Variants in SWAP70 observed in about 807,000 individuals in gnomAD.
SWAP70 encodes the protein switch-associated protein 70.
A neutral mutation model predicts 80.2 loss-of-function variants in SWAP70; 34 were observed. The observed-to-expected ratio is 0.42, with a 90% CI of 0.32 to 0.56. The LOEUF is 0.56. Among genes scored for constraint, SWAP70 ranks in the 20% least tolerant of loss-of-function variants. The pLI, the probability that SWAP70 is intolerant of heterozygous loss-of-function variation, is 0.09. For missense variants in SWAP70, 578 were observed against 690.7 expected (o/e 0.84, Z 1.83); for synonymous variants, 239 against 238.5 (o/e 1.00, Z -0.02).
At chr11:9,713,009 G>A (rs746381539) in intron 2 of SWAP70, among the ~76,000 whole-genome samples, 4 of 152,142 alleles carry the variant, frequency 2.6e-5, no homozygotes, top group Non-Finnish European at 5.9e-5. Flanking sequence ...TTCTTTGACC[G>A]TGTATGTAAA....
intron 9 of SWAP70, among the ~76,000 whole-genome samples, chr11:9,743,844 A>G (rs911975300): frequency 3.3e-5 from 5 of 152,176 alleles, no homozygotes; most frequent in South Asian, 4.1e-4. Context: ...CTTTTAATGG[A>G]TAGTTCTTTC....
chr11:9,730,956 A>C (rs991481358), intron 6 of SWAP70, among the ~76,000 whole-genome samples: 8 of 152,126 alleles, frequency 5.3e-5, no homozygotes, highest in African/African-American at 1.9e-4. Context: ...AGTAGTCCCT[A>C]GTGTCTGCTG....
intron 3 of SWAP70, among the ~76,000 whole-genome samples, chr11:9,719,440 T>C (rs1851108169): frequency 6.6e-6 from 1 of 151,796 alleles, no homozygotes; most frequent in Admixed American, 6.6e-5. Flanking sequence ...CCCAGCTATA[T>C]GGGAGGTTGA....
At position 9,740,774 on chromosome 11, in the gene SWAP70, G is replaced by T. The variant is rs551741538; in HGVS notation, c.1355+427G>T. 2.6e-5 allele frequency: 5 copies of T among 192,892 alleles called. No homozygotes were observed. The East Asian group carries it at 5.6e-4, about 21-fold the overall frequency. The allele number at this position is 192,892 out of a possible 1,614,324, so 11.9% of individuals were successfully genotyped here. A position where few individuals can be genotyped will look rare whatever the true frequency, so the allele number is the denominator to read the frequency against. On this transcript the variant is annotated intron_variant, in intron 9 of 11. Coordinates refer to ENST00000318950, the MANE Select transcript of SWAP70 (RefSeq NM_015055.4). ...GTTTTGAGGAATAAGGAAGAAATAT[G>T]CAGTTTCTATTTGGTCATTCAGGAT...
intron 2 of SWAP70, among the ~76,000 whole-genome samples, chr11:9,695,553 A>G (rs1850745519): frequency 6.6e-6 from 1 of 150,626 alleles, no homozygotes; most frequent in African/African-American, 2.4e-5. Flanking sequence ...TCTCACTCCT[A>G]AGTGGGAGTT....
chr11:9,748,071 C>G lies in SWAP70; in HGVS notation c.1554+15C>G. The stretch of plus-strand genomic sequence containing the variant: ...AGCAGTACGAGGTAATGAGACTTGG[C>G]CCTGCAAACTTGTATATTTAAATTT... On this transcript the variant is annotated intron_variant, in intron 10 of 11. Transcript: ENST00000318950. 1 of 1,609,186 alleles carries G rather than the reference C, an allele frequency of 6.2e-7. No individual in the cohort carries two copies. The highest frequency in any genetic ancestry group is 2.2e-5 in the East Asian group (1 of 44,762).
At chr11:9,725,109 C>T (rs1351809314) in intron 4 of SWAP70, 2 of 502,876 alleles carry the variant, frequency 4.0e-6, no homozygotes, top group South Asian at 2.7e-5. Flanking sequence ...AAGGGATTCT[C>T]TTGCCTTGAA....
chr11:9,708,583 A>G (rs567966319), intron 2 of SWAP70, among the ~76,000 whole-genome samples: 4 of 152,328 alleles, frequency 2.6e-5, no homozygotes, highest in African/African-American at 9.6e-5. Context: ...TCTTAAAATT[A>G]TGAAGCCCTT....
intron 2 of SWAP70, among the ~76,000 whole-genome samples, chr11:9,710,447 C>A (rs193196676): frequency 1.3e-3 from 199 of 152,166 alleles, no homozygotes; most frequent in African/African-American, 4.3e-3. Context: ...CACAAAGGAG[C>A]TCTTTCTACT....
chr11:9,664,666 C>A (rs746608282), intron 1 of SWAP70, among the ~76,000 whole-genome samples: 8 of 152,206 alleles, frequency 5.3e-5, no homozygotes, highest in Non-Finnish European at 7.3e-5. Flanking sequence ...TTTCCTCTTA[C>A]TCCAGGAGAG....
chr11:9,732,525 A>C lies in SWAP70; in HGVS notation c.899-4A>C. ...TTTTTTTTTTCCTCCTACACCTTTT[A>C]CAGCCATTCATTCTACTATTCATCT... On this transcript the variant is annotated splice_region_variant and splice_polypyrimidine_tract_variant and intron_variant, in intron 6 of 11. Coordinates refer to ENST00000318950, the MANE Select transcript of SWAP70 (RefSeq NM_015055.4). 1 of 1,602,492 alleles carries C rather than the reference A, an allele frequency of 6.2e-7. No individual in the cohort carries two copies. The highest frequency in any genetic ancestry group is 1.1e-5 in the South Asian group (1 of 89,458).
intron 2 of SWAP70, among the ~76,000 whole-genome samples, chr11:9,710,150 A>T (rs188373968): frequency 6.6e-6 from 1 of 151,750 alleles, no homozygotes; most frequent in East Asian, 1.9e-4. Flanking sequence ...CGAAGTTCAA[A>T]CCTATGTTGT....
chr11:9,718,869 G>A (rs1222153343), intron 3 of SWAP70, among the ~76,000 whole-genome samples: 1 of 152,142 alleles, frequency 6.6e-6, no homozygotes, highest in Non-Finnish European at 1.5e-5. Context: ...GGAGGCTGAG[G>A]TGGGAGGATT....
intron 1 of SWAP70, among the ~76,000 whole-genome samples, chr11:9,667,077 C>T (rs546775628): frequency 2.2e-4 from 33 of 152,024 alleles, no homozygotes; most frequent in Non-Finnish European, 4.6e-4. Context: ...ATTGCCCAGG[C>T]TGGTCTCGAA....
chr11:9,703,248 C>T lies in SWAP70; in HGVS notation c.240+8962C>T, dbSNP rs749801811. 32 of 417,508 alleles carry T rather than the reference C, an allele frequency of 7.7e-5. 1 individual carries two copies. Among genetic ancestry groups the T allele is most frequent in the Non-Finnish European group, 1.3e-4 (26 of 204,190 alleles). The allele number at this position is 417,508 out of a possible 1,614,324, so 25.9% of individuals were successfully genotyped here. On this transcript the variant is annotated intron_variant, in intron 2 of 11. Transcript: ENST00000318950. The stretch of plus-strand genomic sequence containing the variant: ...TTTCAGGGTTCATCCACGTTGTATC[C>T]TATAACAATACTTCATTCCTTTTTA...
At chr11:9,705,624 C>A (rs1423793759) in intron 2 of SWAP70, among the ~76,000 whole-genome samples, 3 of 141,542 alleles carry the variant, frequency 2.1e-5, no homozygotes, top group Non-Finnish European at 4.5e-5. Context: ...GATCTGTATA[C>A]ACTGGTGATC....
At chr11:9,677,088 A>G (rs1308478043) in intron 1 of SWAP70, among the ~76,000 whole-genome samples, 2 of 151,546 alleles carry the variant, frequency 1.3e-5, no homozygotes, top group Non-Finnish European at 2.9e-5. Flanking sequence ...TGTGGATTCT[A>G]TACTCTCTAA....
intron 2 of SWAP70, among the ~76,000 whole-genome samples, chr11:9,712,654 C>T (rs895411933): frequency 5.3e-5 from 8 of 151,604 alleles, no homozygotes; most frequent in Admixed American, 2.0e-4. Context: ...ACACTGGATA[C>T]GTGAACAAAT....
Position 9,732,648 on chromosome 11 carries a change from CAAAT to C in SWAP70, c.1019_1022del (p.Gln340ArgfsTer87), listed in dbSNP as rs1564832156. On this transcript the variant is annotated frameshift_variant, in exon 7 of 12. Coordinates refer to ENST00000318950, the MANE Select transcript of SWAP70 (RefSeq NM_015055.4). LOFTEE classifies it high-confidence loss of function. ...GGCTGAACAAGAGGAACTGGAGCGACAAATGAAGGAACTCCAGGCCGCCAACGAA... is the reference window on the plus strand; with the variant it reads ...GGCTGAACAAGAGGAACTGGAGCGACGAAGGAACTCCAGGCCGCCAACGAA... 1.3e-6 allele frequency: 2 copies of C among 1,574,724 alleles called. No individual in the cohort carries two copies. Among genetic ancestry groups the C allele is most frequent in the Admixed American group, 1.8e-5 (1 of 54,982 alleles).
Sources: allele counts gnomAD v4.1 joint callset (sites outside exome capture counted in the v4.1 genomes callset), GRCh38; gene constraint gnomAD v4.1.1; transcripts MANE v1.5; gene names NCBI Gene and HGNC (gene_info 2026-07-23, HGNC 2026-07-21).